EYA2: variants seen among roughly 807,000 people sequenced by gnomAD.
EYA2 encodes the protein protein phosphatase EYA2.
EYA2 carries 31 observed loss-of-function variants against 69.2 expected under a neutral mutation model. The ratio of observed to expected loss-of-function variants is 0.45; its 90% CI spans 0.34 to 0.60. EYA2 has a LOEUF of 0.60. EYA2 is among the 20% of genes least tolerant of loss of function. The probability of loss-of-function intolerance (pLI) is 0.02; values close to 1 mark genes in which losing one functional copy is unlikely to be tolerated. For missense variants in EYA2, 622 were observed against 701.2 expected (o/e 0.89, Z 1.28); for synonymous variants, 257 against 279.4 (o/e 0.92, Z 0.80).
At chr20:47,029,824 A>G (rs1306463313) in intron 5 of EYA2, among the ~76,000 whole-genome samples, 1 of 152,262 alleles carries the variant, frequency 6.6e-6, no homozygotes, top group Non-Finnish European at 1.5e-5. Flanking sequence ...CAGTACAGTT[A>G]CAATTGAACA....
At position 46,976,634 on chromosome 20, in the gene EYA2, C is replaced by T. The variant is rs112093502; in HGVS notation, c.-10-13367C>T. On this transcript the variant is annotated intron_variant, in intron 1 of 15. Coordinates refer to ENST00000327619, the MANE Select transcript of EYA2 (RefSeq NM_005244.5). ...TCTCATGACCTCGTGATCCACCCAC[C>T]GTGGCCTCCCAAAGTGTTGGGATTA... 7.2e-5 allele frequency among the ~76,000 whole-genome samples: 11 copies of T among 152,288 alleles called. No individual in the cohort carries two copies. The South Asian group carries it at 1.9e-3, about 26-fold the overall frequency.
chr20:47,090,993 C>T (rs1320770249), intron 8 of EYA2, among the ~76,000 whole-genome samples: 1 of 152,048 alleles, frequency 6.6e-6, no homozygotes, highest in Non-Finnish European at 1.5e-5. Context: ...TGCTAGGTGT[C>T]TCGGTAGGAT....
chr20:47,046,273 C>T (rs2030034148), intron 5 of EYA2, among the ~76,000 whole-genome samples: 1 of 152,234 alleles, frequency 6.6e-6, no homozygotes, highest in African/African-American at 2.4e-5. Context: ...AAAGGTCTCA[C>T]CTCCAAATAC....
At chr20:46,972,373 T>C (rs1173952932) in intron 1 of EYA2, among the ~76,000 whole-genome samples, 1 of 152,242 alleles carries the variant, frequency 6.6e-6, no homozygotes, top group African/African-American at 2.4e-5. Flanking sequence ...TTCCTAATTA[T>C]TTGCAATCAT....
At chr20:46,919,133 C>T (rs1439259351) in intron 1 of EYA2, among the ~76,000 whole-genome samples, 1 of 152,210 alleles carries the variant, frequency 6.6e-6, no homozygotes, top group Non-Finnish European at 1.5e-5. Context: ...TCATAGAGCA[C>T]AGGCAGAGTA....
chr20:46,895,358 G>C (rs1409925491), intron 1 of EYA2, among the ~76,000 whole-genome samples: 1 of 152,246 alleles, frequency 6.6e-6, no homozygotes, highest in Non-Finnish European at 1.5e-5. Context: ...GGCGGTTCGC[G>C]ATAAGGGGCG....
chr20:47,108,287 G>T (rs189951120), intron 9 of EYA2, among the ~76,000 whole-genome samples: 31 of 152,202 alleles, frequency 2.0e-4, no homozygotes, highest in African/African-American at 6.7e-4. Context: ...GTTCCCGTGA[G>T]AACTCGTTGT....
chr20:47,025,261 A>G (rs1334057940), intron 5 of EYA2, among the ~76,000 whole-genome samples: 1 of 152,212 alleles, frequency 6.6e-6, no homozygotes, highest in Non-Finnish European at 1.5e-5. Context: ...CTGGTTACAA[A>G]GTGGCATTGC....
intron 5 of EYA2, among the ~76,000 whole-genome samples, chr20:47,058,655 G>A: frequency 6.6e-6 from 1 of 152,158 alleles, no homozygotes; most frequent in East Asian, 1.9e-4. Flanking sequence ...GACCAACCTG[G>A]GCAATATAGC....
At position 46,967,897 on chromosome 20, in the gene EYA2, A is replaced by G. The variant is rs1445393198; in HGVS notation, c.-10-22104A>G. ...CCTGGTGGTGGCATAGACAGCAGCC[A>G]TCATCCCTCCTTGCAGGCCAACAGA... On this transcript the variant is annotated intron_variant, in intron 1 of 15. Transcript: ENST00000327619. Among the ~76,000 whole-genome samples, 3 of 152,212 alleles carry G rather than the reference A, an allele frequency of 2.0e-5. No homozygotes were observed. In the East Asian group the frequency reaches 5.8e-4, roughly 29 times the overall value.
intron 1 of EYA2, among the ~76,000 whole-genome samples, chr20:46,907,105 A>G (rs1356985403): frequency 2.0e-5 from 3 of 152,230 alleles, no homozygotes; most frequent in Admixed American, 6.5e-5. Context: ...TAACAAATGC[A>G]TTGAAGACCA....
intron 1 of EYA2, among the ~76,000 whole-genome samples, chr20:46,895,754 T>TC (rs931645981): frequency 2.0e-5 from 3 of 151,904 alleles, no homozygotes; most frequent in Admixed American, 2.0e-4. Flanking sequence ...CCTGCCTGCC[T>TC]CCCCCCCAGC....
At chr20:47,152,780 C>T (rs1250472185) in intron 10 of EYA2, among the ~76,000 whole-genome samples, 1 of 147,760 alleles carries the variant, frequency 6.8e-6, no homozygotes, top group Admixed American at 6.8e-5. Flanking sequence ...CACTGCACTT[C>T]AGCCTGGGTG....
intron 5 of EYA2, among the ~76,000 whole-genome samples, chr20:47,053,667 C>CA (rs1215223667): frequency 0.29 from 19,006 of 66,644 alleles, 2,215 homozygotes; most frequent in Middle Eastern, 0.42. Context: ...GACCTTGTCT[C>CA]AAAAAAAAAA....
At chr20:46,996,696 A>T (rs1982043398) in intron 2 of EYA2, among the ~76,000 whole-genome samples, 1 of 152,232 alleles carries the variant, frequency 6.6e-6, no homozygotes, top group South Asian at 2.1e-4. Context: ...TCGCACTGCC[A>T]TAAAAAAATA....
At chr20:47,022,495 G>A (rs1983813193) in intron 5 of EYA2, among the ~76,000 whole-genome samples, 1 of 151,702 alleles carries the variant, frequency 6.6e-6, no homozygotes, top group African/African-American at 2.4e-5. Flanking sequence ...TGTATTTTTA[G>A]TAGAGATGGG....
At chr20:46,998,971 G>T (rs181224132) in intron 2 of EYA2, among the ~76,000 whole-genome samples, 23 of 152,248 alleles carry the variant, frequency 1.5e-4, no homozygotes, top group Admixed American at 1.3e-3. Flanking sequence ...TCTGCGTAGT[G>T]GGGGAGGGGA....
rs1361678499 is a variant in EYA2 at position 47,016,352 on chromosome 20, G to T, written c.415+55G>T. 4 of 1,367,670 alleles carry T rather than the reference G, an allele frequency of 2.9e-6. No homozygotes were observed. The East Asian group carries it at 9.2e-5, about 31-fold the overall frequency. 84.7% of individuals were successfully genotyped at this position (1,367,670 alleles called of 1,614,324 possible). ...CCATCTCTAAGGACCACCTAAGTTG[G>T]GTGTCCATTCATTCATTCATTCAGC... is the stretch of plus-strand genomic sequence containing the variant. On this transcript the variant is annotated intron_variant, in intron 5 of 15. Transcript: ENST00000327619.
intron 9 of EYA2, among the ~76,000 whole-genome samples, chr20:47,112,668 C>G (rs1412206759): frequency 6.6e-6 from 1 of 151,894 alleles, no homozygotes; most frequent in African/African-American, 2.4e-5. Context: ...CACTTAGGCA[C>G]GTTTGGGAGT....
Sources: gnomAD v4.1 joint callset for allele counts (sites outside exome capture counted in the v4.1 genomes callset) on GRCh38, gnomAD v4.1.1 for gene constraint, MANE v1.5 for transcripts, NCBI Gene and HGNC (gene_info 2026-07-23, HGNC 2026-07-21) for gene names.